PDE1C: variants seen among roughly 807,000 people sequenced by gnomAD.
PDE1C encodes phosphodiesterase 1C.
In PDE1C, 62 loss-of-function variants were observed where a neutral mutation model predicts 93.1. The observed-to-expected ratio is 0.67, with a 90% CI of 0.54 to 0.82. PDE1C has a LOEUF of 0.82. Among genes scored for constraint, PDE1C ranks in the 40% least tolerant of loss-of-function variants. PDE1C has a pLI of 0.00. For missense variants in PDE1C, 742 were observed against 884.6 expected (o/e 0.84, Z 2.04); for synonymous variants, 325 against 310.1 (o/e 1.05, Z -0.50).
At chr7:31,647,568 G>A in the PDE1C span, among the ~76,000 whole-genome samples, 2 of 150,712 alleles carry the variant, frequency 1.3e-5, no homozygotes, top group South Asian at 4.2e-4. Flanking sequence ...CAGCTACTTG[G>A]AAGGCTGAGG....
At chr7:31,798,741 G>C (rs998615844) in intron 16 of PDE1C, among the ~76,000 whole-genome samples, 11 of 151,708 alleles carry the variant, frequency 7.3e-5, no homozygotes, top group Non-Finnish European at 1.5e-4. Flanking sequence ...ATTCAAATAT[G>C]AGTGTGCTGA....
chr7:32,112,806 G>A (rs55839520), intron 3 of PDE1C, among the ~76,000 whole-genome samples: 29,364 of 81,942 alleles, frequency 0.36, 3,716 homozygotes, highest in Middle Eastern at 0.52. Flanking sequence ...ATACATATAT[G>A]TGTGTGTGTG....
intron 1 of PDE1C, among the ~76,000 whole-genome samples, chr7:32,356,739 A>G (rs913882342): frequency 2.0e-5 from 3 of 152,198 alleles, no homozygotes; most frequent in Admixed American, 1.3e-4. Flanking sequence ...TACTTCTGCT[A>G]TTCCAGCCTT....
the PDE1C span, among the ~76,000 whole-genome samples, chr7:31,713,089 T>C: frequency 6.6e-6 from 1 of 152,126 alleles, no homozygotes; most frequent in Non-Finnish European, 1.5e-5. Context: ...CTGCATTAAC[T>C]CAAAAGTCGA....
At chr7:32,214,653 C>T (rs1290732412) in intron 1 of PDE1C, among the ~76,000 whole-genome samples, 1 of 152,178 alleles carries the variant, frequency 6.6e-6, no homozygotes, top group Non-Finnish European at 1.5e-5. Flanking sequence ...GATGCTGTTG[C>T]TTTGTCAAAA....
chr7:32,037,779 T>TGTTTTG (rs1394730487), intron 2 of PDE1C, among the ~76,000 whole-genome samples: 2 of 152,180 alleles, frequency 1.3e-5, no homozygotes, highest in Non-Finnish European at 2.9e-5. Flanking sequence ...TTTCATTTTT[T>TGTTTTG]GTTTTGGTTT....
At chr7:31,710,707 A>C in the PDE1C span, among the ~76,000 whole-genome samples, 1 of 152,208 alleles carries the variant, frequency 6.6e-6, no homozygotes, top group African/African-American at 2.4e-5. Context: ...TGCCACTCGT[A>C]ATTTGTAAGT....
At chr7:31,930,536 C>T (rs953970515) in intron 2 of PDE1C, among the ~76,000 whole-genome samples, 1 of 152,076 alleles carries the variant, frequency 6.6e-6, no homozygotes, top group African/African-American at 2.4e-5. Flanking sequence ...CTGAAACCAG[C>T]AGCATATCAA....
intron 2 of PDE1C, among the ~76,000 whole-genome samples, chr7:32,050,733 T>C (rs1219584867): frequency 6.6e-6 from 1 of 152,184 alleles, no homozygotes; most frequent in Non-Finnish European, 1.5e-5. Flanking sequence ...ACCCTCTCCA[T>C]AGTCACAACC....
Position 31,998,932 on chromosome 7 carries a change from T to G in PDE1C, c.128+52622A>C, listed in dbSNP as rs866398681. 1.1e-4 allele frequency among the ~76,000 whole-genome samples: 17 copies of G among 152,344 alleles called. 1 individual carries two copies. The highest frequency in any genetic ancestry group is 3.4e-3 in the Middle Eastern group (1 of 294). ...AAGCAGGTCACAGCTGAGGTTGCTG[T>G]GTCACCTCCTAAAGACTGGGCTGCC... On this transcript the variant is annotated intron_variant, in intron 2 of 17. Coordinates refer to ENST00000396191, the MANE Select transcript of PDE1C (RefSeq NM_001191057.4).
chr7:32,039,570 G>A (rs534223375), intron 2 of PDE1C, among the ~76,000 whole-genome samples: 2 of 152,178 alleles, frequency 1.3e-5, no homozygotes, highest in African/African-American at 4.8e-5. Context: ...AGAGCTCCGC[G>A]ATTCAGAACC....
intron 1 of PDE1C, among the ~76,000 whole-genome samples, chr7:32,319,009 C>A (rs1783230564): frequency 6.6e-6 from 1 of 152,242 alleles, no homozygotes; most frequent in African/African-American, 2.4e-5. Context: ...GTGATTGTCA[C>A]GTCCGTGCTC....
intron 1 of PDE1C, among the ~76,000 whole-genome samples, chr7:32,369,042 A>G (rs996784717): frequency 3.9e-4 from 60 of 152,192 alleles, no homozygotes; most frequent in African/African-American, 1.4e-3. Flanking sequence ...TAAAACTACT[A>G]GAAGAAAACT....
intron 2 of PDE1C, among the ~76,000 whole-genome samples, chr7:32,199,473 C>A (rs1804853165): frequency 1.3e-5 from 2 of 152,160 alleles, no homozygotes; most frequent in Admixed American, 6.5e-5. Context: ...CTTTTACATC[C>A]ACCATTTCTC....
chr7:31,840,208 T>C (rs566946503), intron 9 of PDE1C, among the ~76,000 whole-genome samples: 30 of 152,338 alleles, frequency 2.0e-4, no homozygotes, highest in African/African-American at 6.7e-4. Flanking sequence ...GGTTTTAATT[T>C]ACATTTCTTT....
intron 2 of PDE1C, among the ~76,000 whole-genome samples, chr7:31,927,518 G>A (rs1165371490): frequency 6.6e-6 from 1 of 152,170 alleles, no homozygotes; most frequent in African/African-American, 2.4e-5. Context: ...CCTCCCAGCA[G>A]GGGTCAACAG....
chr7:32,281,863 T>G, intron 1 of PDE1C, among the ~76,000 whole-genome samples: 1 of 152,158 alleles, frequency 6.6e-6, no homozygotes. Flanking sequence ...TGAGTTCATG[T>G]CCTTTCTAGG....
the PDE1C span, among the ~76,000 whole-genome samples, chr7:31,671,785 C>T: frequency 6.6e-6 from 1 of 152,164 alleles, no homozygotes. Context: ...TATAAATTCC[C>T]TGAGCTCTGG....
chr7:31,905,461 T>C (rs1212659146), intron 2 of PDE1C, among the ~76,000 whole-genome samples: 1 of 152,170 alleles, frequency 6.6e-6, no homozygotes, highest in African/African-American at 2.4e-5. Flanking sequence ...TTATCTTGTA[T>C]AAAGAATCAG....
Sources: allele counts gnomAD v4.1 joint callset (sites outside exome capture counted in the v4.1 genomes callset), GRCh38; gene constraint gnomAD v4.1.1; transcripts MANE v1.5; gene names NCBI Gene and HGNC (gene_info 2026-07-23, HGNC 2026-07-21).